The following POLN variants were observed in gnomAD, a reference collection of about 807,000 sequenced individuals.
POLN encodes DNA polymerase nu.
In POLN, 108 loss-of-function variants were observed where a neutral mutation model predicts 113.5. The observed-to-expected ratio is 0.95, with a 90% CI of 0.81 to 1.12. The LOEUF is 1.12. Ranked by LOEUF, POLN falls within the 50% of genes most tolerant of loss-of-function variation. POLN has a pLI of 0.00. For synonymous variants in POLN, 386 were observed against 391.5 expected, an observed-to-expected ratio of 0.99 and a Z score of 0.17; for missense variants, 1,097 against 1,077.1, an observed-to-expected ratio of 1.02 and a Z score of -0.26.
At chr4:2,232,794 GATT>G (rs1246196929) in intron 2 of POLN, among the ~76,000 whole-genome samples, 3 of 152,064 alleles carry the variant, frequency 2.0e-5, no homozygotes, top group African/African-American at 7.2e-5. Context: ...ATTTAAACCA[GATT>G]ATTAACAAGT....
chr4:2,126,019 G>A lies in POLN; in HGVS notation c.1982+2094C>T, dbSNP rs1202576762. On this transcript the variant is annotated intron_variant, in intron 19 of 25. Coordinates refer to ENST00000511885, the MANE Select transcript of POLN (RefSeq NM_181808.4). This position sits in a 1 kb window ranked among gnomAD's most constrained non-coding sequence, Gnocchi z 4.6. ...GTAAGGTGCAGGGTCTAAGGAGGAG[G>A]ACAGAGGACAGGAGAGAACGACAAG... Among the ~76,000 whole-genome samples the A allele has an allele frequency of 6.6e-6, 1 of 152,146 alleles. No homozygotes were observed. Among genetic ancestry groups the A allele is most frequent in the Admixed American group, 6.5e-5 (1 of 15,282 alleles).
At chr4:2,153,272 T>C (rs944718992) in intron 16 of POLN, among the ~76,000 whole-genome samples, 2 of 152,156 alleles carry the variant, frequency 1.3e-5, no homozygotes, top group African/African-American at 4.8e-5. Flanking sequence ...CTATATGAGA[T>C]TGCATAATAA....
intron 19 of POLN, among the ~76,000 whole-genome samples, chr4:2,125,962 G>T: frequency 6.6e-6 from 1 of 152,152 alleles, no homozygotes; most frequent in East Asian, 1.9e-4. Context: ...TGGGGTGGAG[G>T]CCACTCATGT....
chr4:2,148,154 G>C (rs1425851461), intron 16 of POLN, among the ~76,000 whole-genome samples: 1 of 152,086 alleles, frequency 6.6e-6, no homozygotes, highest in Non-Finnish European at 1.5e-5. Flanking sequence ...CACAGACTGA[G>C]GTTCTAATAA....
chr4:2,103,990 A>C (rs1459614102), intron 19 of POLN, among the ~76,000 whole-genome samples: 1 of 152,250 alleles, frequency 6.6e-6, no homozygotes, highest in Non-Finnish European at 1.5e-5. Flanking sequence ...ACTTGGAAGC[A>C]AAAGGATGAC....
chr4:2,096,019 G>A (rs1046234622), intron 19 of POLN, 86 bp from the exon 20 acceptor site: 1 of 1,121,106 alleles, frequency 8.9e-7, no homozygotes, highest in Admixed American at 1.7e-5. Flanking sequence ...CCCCACCACT[G>A]TGCTTCCTCT....
chr4:2,190,334 A>G (rs1365060940), intron 7 of POLN, among the ~76,000 whole-genome samples: 1 of 152,194 alleles, frequency 6.6e-6, no homozygotes, highest in East Asian at 1.9e-4. Context: ...CACATGCAGA[A>G]GAATGAAACT....
chr4:2,208,730 C>T (rs1733919640), intron 4 of POLN, among the ~76,000 whole-genome samples: 1 of 152,190 alleles, frequency 6.6e-6, no homozygotes, highest in African/African-American at 2.4e-5. Flanking sequence ...TGGCTCACGC[C>T]TGTAATCCCA....
At chr4:2,100,595 G>T (rs558602800) in intron 19 of POLN, among the ~76,000 whole-genome samples, 4 of 152,158 alleles carry the variant, frequency 2.6e-5, no homozygotes, top group Non-Finnish European at 5.9e-5. Context: ...CGGGAGGACT[G>T]GGGGGTGAAT....
chr4:2,174,924 G>C (rs770057397), intron 9 of POLN, among the ~76,000 whole-genome samples, 173 bp from the exon 10 acceptor site: 8 of 151,712 alleles, frequency 5.3e-5, no homozygotes, highest in Non-Finnish European at 1.0e-4. Flanking sequence ...CAGGGTTCAA[G>C]TGATTCTCCT....
chr4:2,131,167 A>G lies in POLN; in HGVS notation c.1789+66T>C, dbSNP rs1003909926. On this transcript the variant is annotated intron_variant, in intron 17 of 25. Transcript: ENST00000511885. ...ACAAATGCACTCTAGCCTGGGTGAC[A>G]GAGTGACACCCTATCTCAAAAGAGA... The G allele has an allele frequency of 2.5e-6, 3 of 1,179,506 alleles. No individual in the cohort carries two copies. The African/African-American group carries it at 4.6e-5, about 18-fold the overall frequency. The allele number at this position is 1,179,506 out of a possible 1,614,324, so 73.1% of individuals were successfully genotyped here.
In POLN at chr4:2,078,894, ACTTC is replaced by A. The variant is rs561475580; in HGVS notation, c.2387+2060_2387+2063del. On this transcript the variant is annotated intron_variant, in intron 23 of 25. Transcript: ENST00000511885. ...AGAGACCTCAGCTCCTCACATGCCA[ACTTC>A]CTTTATCAATTCCACAAGGGCTGAA... The A allele has an allele frequency of 8.8e-5, 87 of 985,374 alleles. No homozygotes were observed. In the South Asian group the frequency reaches 3.8e-3, roughly 43 times the overall value. The allele number at this position is 985,374 out of a possible 1,614,324, so 61.0% of individuals were successfully genotyped here. A position where few individuals can be genotyped will look rare whatever the true frequency, so the allele number is the denominator to read the frequency against.
intron 20 of POLN, chr4:2,089,303 A>T (rs770549035): frequency 2.6e-5 from 36 of 1,398,986 alleles, no homozygotes; most frequent in Non-Finnish European, 3.5e-5. Context: ...AATGCCAATG[A>T]CAACATAGAT....
intron 20 of POLN, among the ~76,000 whole-genome samples, chr4:2,091,371 C>T (rs1176404620): frequency 2.0e-5 from 3 of 152,108 alleles, no homozygotes; most frequent in East Asian, 1.9e-4. Flanking sequence ...AGAGAGCGGA[C>T]GGTGTGGTGG....
chr4:2,219,309 G>T (rs1302853086), intron 3 of POLN, among the ~76,000 whole-genome samples: 3 of 152,136 alleles, frequency 2.0e-5, no homozygotes, highest in African/African-American at 7.2e-5. Context: ...TTTCCCCCTT[G>T]TATAAGTTCC....
chr4:2,088,608 T>C (rs757329371), intron 20 of POLN: 129 of 636,938 alleles, frequency 2.0e-4, no homozygotes, highest in Non-Finnish European at 1.3e-4. Flanking sequence ...CTACAACAAT[T>C]TTCATGAAAA....
chr4:2,141,512 T>C (rs1384587959), intron 16 of POLN, among the ~76,000 whole-genome samples: 1 of 152,212 alleles, frequency 6.6e-6, no homozygotes, highest in African/African-American at 2.4e-5. Context: ...GTCCTTGCCC[T>C]GTCTGCTCTG....
At chr4:2,113,024 A>G (rs968073064) in intron 19 of POLN, among the ~76,000 whole-genome samples, 145 of 152,168 alleles carry the variant, frequency 9.5e-4, no homozygotes, top group African/African-American at 3.4e-3. Context: ...AAGAAAATGT[A>G]GCACATATAC....
At chr4:2,182,448 A>G (rs1460451729) in intron 7 of POLN, among the ~76,000 whole-genome samples, 1 of 152,208 alleles carries the variant, frequency 6.6e-6, no homozygotes, top group Non-Finnish European at 1.5e-5. Context: ...CAAGGAGTGA[A>G]AAGGACTTCC....
Sources: gnomAD v4.1 joint callset for allele counts (sites outside exome capture counted in the v4.1 genomes callset) on GRCh38, gnomAD v4.1.1 for gene constraint, Gnocchi (gnomAD v3.1) non-coding constraint, MANE v1.5 for transcripts, NCBI Gene and HGNC (gene_info 2026-07-23, HGNC 2026-07-21) for gene names.